NICN1: variants seen among roughly 807,000 people sequenced by gnomAD.
NICN1 encodes nicolin 1, tubulin polyglutamylase complex subunit.
Under a neutral mutation model 26.3 loss-of-function variants are expected in NICN1, and 18 were observed. The ratio of observed to expected loss-of-function variants is 0.68; its 90% confidence interval spans 0.47 to 1.01. The LOEUF is 1.01. NICN1 is among the 50% of genes least tolerant of loss of function. The pLI is 0.00. For synonymous variants in NICN1, 109 were observed against 111.0 expected (o/e 0.98, Z 0.11); for missense variants, 239 against 278.3 (o/e 0.86, Z 1.00).
chr3:49,424,099 C>G lies in NICN1; in HGVS notation c.*734G>C, dbSNP rs1460060125. ...CTCCTGACCTCAGGTGATCCGCCTG[C>G]CTGGGCCTCCCAAAGTGCTGGGATT... On this transcript the variant is annotated 3_prime_UTR_variant, in exon 6 of 6. Coordinates refer to ENST00000273598, the MANE Select transcript of NICN1 (RefSeq NM_032316.3). 6.6e-6 allele frequency: 1 copy of G among 152,320 alleles called. No homozygotes were observed. The highest frequency in any genetic ancestry group is 6.5e-5 in the Admixed American group (1 of 15,290). 9.4% of individuals were successfully genotyped at this position (152,320 alleles called of 1,614,324 possible).
intron 1 of NICN1, 151 bp from the exon 2 acceptor site, chr3:49,426,579 G>A: frequency 1.6e-6 from 1 of 626,804 alleles, no homozygotes; most frequent in East Asian, 2.8e-5. Flanking sequence ...CCAGGCTGGA[G>A]TGCAGTAGCG....
rs1263261286 is a variant in NICN1 at position 49,429,129 on chromosome 3, G to T, written c.111C>A (p.Phe37Leu). 1 of 1,609,492 alleles carries T rather than the reference G, an allele frequency of 6.2e-7. No individual in the cohort carries two copies. Among genetic ancestry groups the T allele is most frequent in the Non-Finnish European group, 8.5e-7 (1 of 1,178,010 alleles). The change falls in exon 1 of 6, where the codon TTC (phenylalanine) becomes TTA (leucine). Residue 37 changes from phenylalanine (F) to leucine (L), a missense_variant. Physicochemically the swap from Phe to Leu is conservative, Grantham distance 22 (BLOSUM62 0). Transcript: ENST00000273598. ...TCACCTCGAAGGGAGCGACGCTGGG[G>T]AAGGTGACATCGATGACCAGCACGC... Reference protein sequence around the residue: ...RPGVLVIDVTFPSVAPFELQE... With the variant: ...RPGVLVIDVTLPSVAPFELQE...
In NICN1 at chr3:49,425,071, G is replaced by T. The variant is rs761210909; in HGVS notation, c.496-18C>A. On this transcript the variant is annotated intron_variant, in intron 4 of 5. Coordinates refer to ENST00000273598, the MANE Select transcript of NICN1 (RefSeq NM_032316.3). The stretch of plus-strand genomic sequence containing the variant: ...GGGAGACCCTGCTCCAGAAGGAGGG[G>T]TCAGTGGCCATGGGTCTCTCCCCAG... 1 of 1,599,536 alleles carries T rather than the reference G, an allele frequency of 6.3e-7. No homozygotes were observed. The highest frequency in any genetic ancestry group is 2.2e-5 in the East Asian group (1 of 44,820).
Position 49,423,497 on chromosome 3 carries a change from C to G in NICN1, c.*1336G>C, listed in dbSNP as rs1032171641. The G allele has an allele frequency of 1.3e-5, 2 of 152,424 alleles. No individual in the cohort carries two copies. Among genetic ancestry groups the G allele is most frequent in the South Asian group, 4.1e-4 (2 of 4,832 alleles). 9.4% of individuals were successfully genotyped at this position (152,424 alleles called of 1,614,324 possible). On this transcript the variant is annotated 3_prime_UTR_variant, in exon 6 of 6. Transcript: ENST00000273598. The stretch of plus-strand genomic sequence containing the variant: ...GCAGGGCGGGCGCGGTGGCTCATGC[C>G]TGTAATCCCAGCACTTTGGAAGGCC...
rs560403006 is a variant in NICN1 at position 49,422,729 on chromosome 3, C to T, written c.*2104G>A. The T allele has an allele frequency of 1.6e-5, 9 of 573,990 alleles. No homozygotes were observed. The highest frequency in any genetic ancestry group is 9.3e-4 in the Middle Eastern group (2 of 2,140). The allele number at this position is 573,990 out of a possible 1,614,324, so 35.6% of individuals were successfully genotyped here. A position where few individuals can be genotyped will look rare whatever the true frequency, so the allele number is the denominator to read the frequency against. On this transcript the variant is annotated 3_prime_UTR_variant, in exon 6 of 6. Transcript: ENST00000273598. Reference sequence around the variant, plus strand: ...CCCAGAACAAAGCTAGGGGCTAGACCGCCCCCTGCAGAACCGCCCTGTCTC... The same window carrying T: ...CCCAGAACAAAGCTAGGGGCTAGACTGCCCCCTGCAGAACCGCCCTGTCTC...
In NICN1 at chr3:49,422,733, C is replaced by T; in HGVS notation, c.*2100G>A. 1.8e-6 allele frequency: 1 copy of T among 557,236 alleles called. No individual in the cohort carries two copies. The highest frequency in any genetic ancestry group is 3.3e-5 in the East Asian group (1 of 30,066). The allele number at this position is 557,236 out of a possible 1,614,324, so 34.5% of individuals were successfully genotyped here. ...GAACAAAGCTAGGGGCTAGACCGCC[C>T]CCTGCAGAACCGCCCTGTCTCCAGA... On this transcript the variant is annotated 3_prime_UTR_variant, in exon 6 of 6. Transcript: ENST00000273598.
rs1001735262 is a variant in NICN1 at position 49,425,023 on chromosome 3, C to T, written c.526G>A (p.Glu176Lys). 5.0e-6 allele frequency: 8 copies of T among 1,613,980 alleles called. No homozygotes were observed. The highest frequency in any genetic ancestry group is 2.2e-5 in the East Asian group (1 of 44,890). Reference protein sequence around the residue: ...GLPDPSRVSSEVQQMWALTEM... With the variant: ...GLPDPSRVSSKVQQMWALTEM... Reference sequence around the variant, plus strand: ...GTCAGTGCCCACATCTGCTGCACCTCGGAGGATACCCTGCTGGGGTCTGGG... The same window carrying T: ...GTCAGTGCCCACATCTGCTGCACCTTGGAGGATACCCTGCTGGGGTCTGGG... Residue 176 changes from glutamate (E) to lysine (K), a missense_variant, in exon 5 of 6, where the codon GAG becomes AAG. Coordinates refer to ENST00000273598, the MANE Select transcript of NICN1 (RefSeq NM_032316.3).
In NICN1 at chr3:49,426,091, C is replaced by T. The variant is rs2049167198; in HGVS notation, c.310-95G>A. On this transcript the variant is annotated intron_variant, in intron 2 of 5. Coordinates refer to ENST00000273598, the MANE Select transcript of NICN1 (RefSeq NM_032316.3). ...GCCAGAATGCTGCCCACCCCACAGG[C>T]CTTGGGAAGGAAGGAACAGTAGTCC... 7 of 1,126,422 alleles carry T rather than the reference C, an allele frequency of 6.2e-6. No homozygotes were observed. The Admixed American group carries it at 8.6e-5, about 14-fold the overall frequency. 69.8% of individuals were successfully genotyped at this position (1,126,422 alleles called of 1,614,324 possible). A position where few individuals can be genotyped will look rare whatever the true frequency, so the allele number is the denominator to read the frequency against.
chr3:49,427,644 G>GAA (rs58773326), intron 1 of NICN1, among the ~76,000 whole-genome samples: 2 of 102,816 alleles, frequency 1.9e-5, no homozygotes, highest in Non-Finnish European at 3.9e-5. Context: ...CTACCTCTCA[G>GAA]AAAAAAAAAA....
chr3:49,426,573 G>C (rs2049172192), intron 1 of NICN1, 145 bp from the exon 2 acceptor site: 2 of 649,240 alleles, frequency 3.1e-6, no homozygotes, highest in South Asian at 4.0e-5. Flanking sequence ...TTTTGCCCAG[G>C]CTGGAGTGCA....
chr3:49,429,171 G>A lies in NICN1; in HGVS notation c.69C>T (p.Thr23=). The part of the protein sequence containing the change: ...SVALQVGDVR[T]SQGRPGVLVI... ...CCAGCACGCCAGGCCGGCCTTGGGA[G>A]GTCCGCACGTCGCCCACCTGGAGGG... Residue 23 remains threonine (T), a synonymous_variant, in exon 1 of 6, where the codon ACC becomes ACT. Coordinates refer to ENST00000273598, the MANE Select transcript of NICN1 (RefSeq NM_032316.3). 1 of 1,611,392 alleles carries A rather than the reference G, an allele frequency of 6.2e-7. No homozygotes were observed. The highest frequency in any genetic ancestry group is 8.5e-7 in the Non-Finnish European group (1 of 1,178,898).
Position 49,422,378 on chromosome 3 carries a change from G to T in NICN1, c.*2455C>A, listed in dbSNP as rs751869343. ...TATCCCACCTGTGCGCAACTAAGTG[G>T]ACGACACAAGGCCGGGGGGAATGCC... On this transcript the variant is annotated 3_prime_UTR_variant, in exon 6 of 6. Transcript: ENST00000273598. 3 of 1,613,918 alleles carry T rather than the reference G, an allele frequency of 1.9e-6. No individual in the cohort carries two copies. Among genetic ancestry groups the T allele is most frequent in the South Asian group, 1.1e-5 (1 of 91,068 alleles).
chr3:49,424,366 C>A lies in NICN1; in HGVS notation c.*467G>T. 1.0e-5 allele frequency: 2 copies of A among 191,538 alleles called. No homozygotes were observed. Among genetic ancestry groups the A allele is most frequent in the Non-Finnish European group, 1.1e-5 (1 of 92,490 alleles). The allele number at this position is 191,538 out of a possible 1,614,324, so 11.9% of individuals were successfully genotyped here. A position where few individuals can be genotyped will look rare whatever the true frequency, so the allele number is the denominator to read the frequency against. ...GGCATAACACAAATGGAAAGAAAAC[C>A]ACTAGGGGACACACAGGAAGAAATA... On this transcript the variant is annotated 3_prime_UTR_variant, in exon 6 of 6. Transcript: ENST00000273598.
In NICN1 at chr3:49,429,200, C is replaced by T. The variant is rs371055267; in HGVS notation, c.40G>A (p.Val14Ile). ...VLVPCHVKGS[V>I]ALQVGDVRTS... ...CGCACGTCGCCCACCTGGAGGGCTA[C>T]GGAGCCTTTCACATGGCAAGGCACC... Residue 14 changes from valine to isoleucine, a missense_variant, in exon 1 of 6, where the codon GTA (valine) becomes ATA (isoleucine). Val to Ile is a conservative substitution (Grantham distance 29, BLOSUM62 3). Coordinates refer to ENST00000273598, the MANE Select transcript of NICN1 (RefSeq NM_032316.3). 3.1e-6 allele frequency: 5 copies of T among 1,610,170 alleles called. No individual in the cohort carries two copies. In the African/African-American group the frequency reaches 6.7e-5, roughly 22 times the overall value.
chr3:49,429,047 G>T (rs922047977), intron 1 of NICN1, 61 bp downstream of exon 1: 48 of 1,491,314 alleles, frequency 3.2e-5, no homozygotes, highest in Non-Finnish European at 3.6e-5. Context: ...CCTGGGAAAC[G>T]ACCGAGATTC....
In NICN1 at chr3:49,429,306, T is replaced by C; in HGVS notation, c.-67A>G. On this transcript the variant is annotated 5_prime_UTR_variant, in exon 1 of 6. The change abolishes an upstream ATG in the 5' untranslated region. Transcript: ENST00000273598. ...CCCCGACCACCAGCCCTTCCCGGCATCCTCAGCCGAGCCTCAAGAACTACA... is the reference window on the plus strand; with the variant it reads ...CCCCGACCACCAGCCCTTCCCGGCACCCTCAGCCGAGCCTCAAGAACTACA... 1 of 1,494,806 alleles carries C rather than the reference T, an allele frequency of 6.7e-7. No individual in the cohort carries two copies. The highest frequency in any genetic ancestry group is 9.0e-7 in the Non-Finnish European group (1 of 1,116,296). The allele number at this position is 1,494,806 out of a possible 1,614,324, so 92.6% of individuals were successfully genotyped here.
rs386833686 is a variant in NICN1, at chr3:49,422,391, C to CGGG, written c.*2439_*2441dup. 5.0e-6 allele frequency: 8 copies of CGGG among 1,613,704 alleles called. No individual in the cohort carries two copies. The South Asian group carries it at 8.8e-5, about 18-fold the overall frequency. ...CGCAACTAAGTGGACGACACAAGGC[C>CGGG]GGGGGGAATGCCTGCAGGCGAAAGC... is the stretch of plus-strand genomic sequence containing the variant. On this transcript the variant is annotated 3_prime_UTR_variant, in exon 6 of 6. Transcript: ENST00000273598.
At position 49,422,832 on chromosome 3, in the gene NICN1, G is replaced by T. The variant is rs2049135536; in HGVS notation, c.*2001C>A. On this transcript the variant is annotated 3_prime_UTR_variant, in exon 6 of 6. Coordinates refer to ENST00000273598, the MANE Select transcript of NICN1 (RefSeq NM_032316.3). ...ACCTCAAGAGAGTAAGGTCAAGTGG[G>T]GGTGGGGAAGGTGGGCCAGCCTGGC... 5.4e-6 allele frequency: 2 copies of T among 368,696 alleles called. No individual in the cohort carries two copies. The highest frequency in any genetic ancestry group is 1.1e-5 in the Non-Finnish European group (2 of 189,820). 22.8% of individuals were successfully genotyped at this position (368,696 alleles called of 1,614,324 possible).
In NICN1 at chr3:49,424,855, A is replaced by G. The variant is rs767292718; in HGVS notation, c.620T>C (p.Leu207Pro). ...CATTCAAGTGTAGGAGAGCAAGTTC[A>G]GGTCATAACAGCCATCCACCTGAAA... ...GRFDVDGCYD[L>P]NLLSYT is the part of the protein sequence containing the mutation. The change falls in exon 6 of 6, where the codon CTG becomes CCG. Residue 207 changes from leucine (L) to proline (P), a missense_variant. Physicochemically the swap from Leu to Pro is moderately conservative, Grantham distance 98. Transcript: ENST00000273598. 6.2e-7 allele frequency: 1 copy of G among 1,613,984 alleles called. No homozygotes were observed. The highest frequency in any genetic ancestry group is 2.2e-5 in the East Asian group (1 of 44,878).
Sources: allele counts gnomAD v4.1 joint callset (sites outside exome capture counted in the v4.1 genomes callset), GRCh38; gene constraint gnomAD v4.1.1; transcripts MANE v1.5; gene names NCBI Gene and HGNC (gene_info 2026-07-23, HGNC 2026-07-21).